RABEP1: variants seen among roughly 807,000 people sequenced by gnomAD.
RABEP1 encodes the protein rab GTPase-binding effector protein 1.
A neutral mutation model predicts 123.4 loss-of-function variants in RABEP1; 51 were observed. The ratio of observed to expected loss-of-function variants is 0.41; its 90% CI spans 0.33 to 0.52. The LOEUF (loss-of-function observed/expected upper bound fraction) is 0.52. RABEP1 is among the 20% of genes least tolerant of loss of function. The pLI is 0.16. For synonymous variants in RABEP1, 347 were observed against 355.2 expected (o/e 0.98, Z 0.26); for missense variants, 888 against 996.3 (o/e 0.89, Z 1.46).
At chr17:5,283,667 T>G (rs2074950541) in intron 1 of RABEP1, among the ~76,000 whole-genome samples, 1 of 152,232 alleles carries the variant, frequency 6.6e-6, no homozygotes, top group African/African-American at 2.4e-5. Flanking sequence ...TCCTTGGGGT[T>G]GTCTCAAAAT....
intron 2 of RABEP1, among the ~76,000 whole-genome samples, chr17:5,321,224 T>C (rs1009838076): frequency 2.0e-5 from 3 of 152,148 alleles, no homozygotes; most frequent in African/African-American, 7.2e-5. Context: ...GGAGGATTGC[T>C]TGAGCCCAGG....
chr17:5,357,040 G>C lies in RABEP1; in HGVS notation c.1095+2550G>C, dbSNP rs1200110456. Among the ~76,000 whole-genome samples the C allele has an allele frequency of 2.6e-5, 4 of 152,036 alleles. No individual in the cohort carries two copies. The South Asian group carries it at 8.3e-4, about 32-fold the overall frequency. The stretch of plus-strand genomic sequence containing the variant: ...TTACAGGCATGAGCCACCACGCCAG[G>C]CTAATTTTTGTATTTTTAGTAGAGA... On this transcript the variant is annotated intron_variant, in intron 8 of 17. Transcript: ENST00000537505.
At chr17:5,303,930 G>T (rs1318583083) in intron 1 of RABEP1, among the ~76,000 whole-genome samples, 1 of 151,938 alleles carries the variant, frequency 6.6e-6, no homozygotes, top group South Asian at 2.1e-4. Flanking sequence ...CGACTTGGGA[G>T]GCTGAGGCAG....
intron 1 of RABEP1, among the ~76,000 whole-genome samples, chr17:5,296,374 C>T (rs778175396): frequency 2.4e-4 from 37 of 152,152 alleles, no homozygotes; most frequent in Non-Finnish European, 7.3e-5. Context: ...AGTGATTCTC[C>T]TGCCTCAGCC....
rs564709615 is a variant in RABEP1, at chr17:5,380,024, TG to T, written c.2272-339del. On this transcript the variant is annotated intron_variant, in intron 15 of 17. Coordinates refer to ENST00000537505, the MANE Select transcript of RABEP1 (RefSeq NM_004703.6). Reference sequence around the variant, plus strand: ...CTTCTCCCCTTGTCACCCTTGTCTTTGCCCTGTAAAAATGTAGGAGTCAAAT... The same window carrying T: ...CTTCTCCCCTTGTCACCCTTGTCTTTCCCTGTAAAAATGTAGGAGTCAAAT... Among the ~76,000 whole-genome samples, 145 of 152,336 alleles carry T rather than the reference TG, an allele frequency of 9.5e-4. 2 individuals are homozygous for T. Among genetic ancestry groups the T allele is most frequent in the African/African-American group, 3.3e-3 (139 of 41,576 alleles).
At chr17:5,319,007 C>G (rs2075325378) in intron 2 of RABEP1, among the ~76,000 whole-genome samples, 1 of 152,024 alleles carries the variant, frequency 6.6e-6, no homozygotes, top group East Asian at 1.9e-4. Context: ...CACTTTGTAC[C>G]CAATACATAT....
In RABEP1 at chr17:5,323,709, TATATATATCTAGGA is replaced by T. The variant is rs1214956316; in HGVS notation, c.164-8231_164-8218del. On this transcript the variant is annotated intron_variant, in intron 2 of 17. Transcript: ENST00000537505. ...ATATATATCTCTCTCTAGGAATATA[TATATATATCTAGGA>T]ATATATATATATCTAGGAATATATA... is the stretch of plus-strand genomic sequence containing the variant. Among the ~76,000 whole-genome samples the T allele has an allele frequency of 3.5e-4, 34 of 98,008 alleles. 8 individuals carry two copies. The highest frequency in any genetic ancestry group is 1.4e-3 in the East Asian group (5 of 3,590). 64.3% of individuals were successfully genotyped at this position (98,008 alleles called of 152,430 possible). A position where few individuals can be genotyped will look rare whatever the true frequency, so the allele number is the denominator to read the frequency against.
At chr17:5,317,526 T>G (rs1159800813) in intron 2 of RABEP1, among the ~76,000 whole-genome samples, 5 of 152,046 alleles carry the variant, frequency 3.3e-5, no homozygotes, top group African/African-American at 4.8e-5. Flanking sequence ...TTATGTACAC[T>G]CTGACCACTT....
At chr17:5,373,217 C>T in intron 12 of RABEP1, 97 bp from the exon 13 acceptor site, 1 of 1,181,244 alleles carries the variant, frequency 8.5e-7, no homozygotes, top group Non-Finnish European at 1.2e-6. Flanking sequence ...CGTCCATCCT[C>T]AGCACTCCTT....
intron 5 of RABEP1, among the ~76,000 whole-genome samples, chr17:5,339,178 C>G (rs571470845): frequency 3.8e-4 from 58 of 151,784 alleles, no homozygotes; most frequent in African/African-American, 1.4e-3. Context: ...AAAGTAGGAA[C>G]AAAAGAAGCA....
Position 5,373,420 on chromosome 17 carries a change from A to G in RABEP1, c.1991A>G (p.Gln664Arg), listed in dbSNP as rs1352382815. The G allele has an allele frequency of 6.2e-7, 1 of 1,612,876 alleles. No homozygotes were observed. Among genetic ancestry groups the G allele is most frequent in the East Asian group, 2.2e-5 (1 of 44,802 alleles). The change falls in exon 13 of 18, where the codon CAA (glutamine) becomes CGA (arginine). Residue 664 changes from glutamine (Q) to arginine (R), a missense_variant. Physicochemically the swap from Gln to Arg is conservative, Grantham distance 43. Coordinates refer to ENST00000537505, the MANE Select transcript of RABEP1 (RefSeq NM_004703.6). ...GKHSLHVSLQ[Q>R]AEDFILPDTT... ...CACAGCCTGCATGTGTCATTACAGC[A>G]AGCAGAAGACTTCATCCTCCCAGAC...
chr17:5,379,881 T>C (rs1386968588), intron 15 of RABEP1, among the ~76,000 whole-genome samples: 1 of 152,046 alleles, frequency 6.6e-6, no homozygotes, highest in Non-Finnish European at 1.5e-5. Context: ...CACACCTCTC[T>C]GCCTCAGTGC....
intron 1 of RABEP1, among the ~76,000 whole-genome samples, chr17:5,290,345 C>T (rs1053266932): frequency 1.3e-5 from 2 of 152,190 alleles, no homozygotes; most frequent in Non-Finnish European, 2.9e-5. Flanking sequence ...GCCTTGGCCT[C>T]CCAAAATGCT....
intron 1 of RABEP1, among the ~76,000 whole-genome samples, chr17:5,290,552 GATAA>G (rs2075023352): frequency 1.3e-5 from 2 of 151,918 alleles, no homozygotes; most frequent in East Asian, 1.9e-4. Flanking sequence ...TTACAATTAA[GATAA>G]ATTAATGCAT....
chr17:5,293,867 A>G (rs542935943), intron 1 of RABEP1, among the ~76,000 whole-genome samples: 3 of 152,282 alleles, frequency 2.0e-5, no homozygotes, highest in Admixed American at 6.5e-5. Flanking sequence ...AACAGTGGCC[A>G]ATTTTTTTCT....
intron 1 of RABEP1, among the ~76,000 whole-genome samples, chr17:5,297,280 A>G (rs934148774): frequency 6.6e-6 from 1 of 152,202 alleles, no homozygotes; most frequent in African/African-American, 2.4e-5. Context: ...GACTTTTTTA[A>G]AAACCCCAAA....
At chr17:5,354,001 A>G (rs1336994872) in intron 7 of RABEP1, among the ~76,000 whole-genome samples, 1 of 152,098 alleles carries the variant, frequency 6.6e-6, no homozygotes, top group Non-Finnish European at 1.5e-5. Context: ...AAACTTTTTC[A>G]TATTTATTTT....
intron 15 of RABEP1, among the ~76,000 whole-genome samples, chr17:5,378,910 CCCA>C (rs746516830): frequency 3.7e-4 from 56 of 152,180 alleles, no homozygotes; most frequent in Non-Finnish European, 6.6e-4. Flanking sequence ...CCCTTCATCT[CCCA>C]CCACACCTGT....
At chr17:5,337,841 C>G (rs1288753714) in intron 4 of RABEP1, among the ~76,000 whole-genome samples, 178 bp from the exon 5 acceptor site, 2 of 152,052 alleles carry the variant, frequency 1.3e-5, no homozygotes, top group Non-Finnish European at 2.9e-5. Context: ...TCAGTTATAC[C>G]TTGACATTCA....
Sources: allele counts gnomAD v4.1 joint callset (sites outside exome capture counted in the v4.1 genomes callset), GRCh38; gene constraint gnomAD v4.1.1; transcripts MANE v1.5; gene names NCBI Gene and HGNC (gene_info 2026-07-23, HGNC 2026-07-21).